The following CTNND2 variants were observed in gnomAD, a reference collection of about 807,000 sequenced individuals.
The protein encoded by CTNND2 is catenin delta-2.
Under a neutral mutation model 144.4 loss-of-function variants are expected in CTNND2, and 22 were observed. That is an observed-to-expected ratio of 0.15 (90% CI 0.11 to 0.22). CTNND2 has a LOEUF of 0.22. Among genes scored for constraint, CTNND2 ranks in the 10% least tolerant of loss-of-function variants. The pLI, the probability that CTNND2 is intolerant of heterozygous loss-of-function variation, is 1.00. For synonymous variants in CTNND2, 751 were observed against 695.6 expected (o/e 1.08, Z -1.25); for missense variants, 1,353 against 1,618.8 (o/e 0.84, Z 2.82).
chr5:11,472,098 C>T (rs1767283824), intron 3 of CTNND2, among the ~76,000 whole-genome samples: 3 of 152,136 alleles, frequency 2.0e-5, no homozygotes, highest in South Asian at 4.1e-4. Context: ...GTGGTGTCAT[C>T]GTGTGAGCCT....
chr5:11,489,429 T>G (rs939588368), intron 3 of CTNND2, among the ~76,000 whole-genome samples: 1 of 152,160 alleles, frequency 6.6e-6, no homozygotes, highest in Non-Finnish European at 1.5e-5. Context: ...TTGTAAGACA[T>G]AAAAATATGG....
At position 11,877,703 on chromosome 5, in the gene CTNND2, T is replaced by C. The variant is rs188891919; in HGVS notation, c.37+26114A>G. Among the ~76,000 whole-genome samples the C allele has an allele frequency of 2.5e-3, 277 of 111,004 alleles. 1 individual carries two copies. Among genetic ancestry groups the C allele is most frequent in the East Asian group, 0.024 (90 of 3,802 alleles). The allele number at this position is 111,004 out of a possible 152,430, so 72.8% of individuals were successfully genotyped here. Reference sequence around the variant, plus strand: ...AATTTCCCACCTTCAATAATGATAGTTGTCGACAGCACCATCACCATCATC... The same window carrying C: ...AATTTCCCACCTTCAATAATGATAGCTGTCGACAGCACCATCACCATCATC... On this transcript the variant is annotated intron_variant, in intron 1 of 21. Coordinates refer to ENST00000304623, the MANE Select transcript of CTNND2 (RefSeq NM_001332.4).
rs541226664 is a variant in CTNND2 at position 11,270,705 on chromosome 5, G to A, written c.1629-33882C>T. The stretch of plus-strand genomic sequence containing the variant: ...TCAGTGTTCAGCATTATACTTCTAG[G>A]CTATGTCTCTTAATACTTCCTTTGG... On this transcript the variant is annotated intron_variant, in intron 9 of 21. Transcript: ENST00000304623. Among the ~76,000 whole-genome samples the A allele has an allele frequency of 2.0e-5, 3 of 152,236 alleles. No individual in the cohort carries two copies. The South Asian group carries it at 6.2e-4, about 32-fold the overall frequency.
chr5:11,005,508 G>A (rs1287096289), intron 18 of CTNND2, among the ~76,000 whole-genome samples: 1 of 152,190 alleles, frequency 6.6e-6, no homozygotes, highest in African/African-American at 2.4e-5. Flanking sequence ...GATGATGGAA[G>A]TAAGGATGGG....
At chr5:11,795,067 G>A (rs1397438045) in intron 1 of CTNND2, among the ~76,000 whole-genome samples, 2 of 152,106 alleles carry the variant, frequency 1.3e-5, no homozygotes, top group Non-Finnish European at 2.9e-5. Flanking sequence ...GTTCTTCAGG[G>A]ACCATAAATA....
At chr5:11,218,334 T>G (rs1739431108) in intron 10 of CTNND2, among the ~76,000 whole-genome samples, 2 of 152,132 alleles carry the variant, frequency 1.3e-5, no homozygotes, top group African/African-American at 4.8e-5. Context: ...GTCATCGGAG[T>G]CATGCTGGTG....
intron 3 of CTNND2, among the ~76,000 whole-genome samples, chr5:11,500,826 G>C (rs900931581): frequency 6.6e-6 from 1 of 152,120 alleles, no homozygotes; most frequent in Non-Finnish European, 1.5e-5. Context: ...AAATAGAATT[G>C]ATTTTTTTGT....
At chr5:11,248,821 G>C (rs976848619) in intron 9 of CTNND2, among the ~76,000 whole-genome samples, 1 of 152,138 alleles carries the variant, frequency 6.6e-6, no homozygotes, top group Non-Finnish European at 1.5e-5. Flanking sequence ...CATACTTTGG[G>C]GCTGACGGTT....
At chr5:11,347,392 A>G (rs1343144593) in intron 8 of CTNND2, among the ~76,000 whole-genome samples, 1 of 152,242 alleles carries the variant, frequency 6.6e-6, no homozygotes, top group Non-Finnish European at 1.5e-5. Flanking sequence ...AATTGTTTTG[A>G]GAAGATTTTA....
rs541991183 is a variant in CTNND2 at position 11,446,171 on chromosome 5, C to T, written c.288-34102G>A. Among the ~76,000 whole-genome samples, 14 of 152,282 alleles carry T rather than the reference C, an allele frequency of 9.2e-5. No individual in the cohort carries two copies. The East Asian group carries it at 2.5e-3, about 27-fold the overall frequency. ...ATTTTTTAGTAGAGATGGGGTTTCA[C>T]CATATTGGTCAGGCTGATCTCAAAC... On this transcript the variant is annotated intron_variant, in intron 3 of 21. Transcript: ENST00000304623.
intron 2 of CTNND2, among the ~76,000 whole-genome samples, chr5:11,623,301 G>A (rs1780946267): frequency 1.3e-5 from 2 of 152,070 alleles, no homozygotes; most frequent in South Asian, 4.1e-4. Flanking sequence ...TTACGAGAGG[G>A]ACTTGGTGGG....
chr5:11,894,660 T>A (rs115635532), intron 1 of CTNND2, among the ~76,000 whole-genome samples: 210 of 152,330 alleles, frequency 1.4e-3, no homozygotes, highest in African/African-American at 4.9e-3. Context: ...CATTTTCACC[T>A]AAATTATCAC....
At chr5:11,897,286 T>C (rs1376368189) in intron 1 of CTNND2, among the ~76,000 whole-genome samples, 1 of 152,228 alleles carries the variant, frequency 6.6e-6, no homozygotes, top group Non-Finnish European at 1.5e-5. Context: ...AAATAAAATA[T>C]GTGACAGAGG....
chr5:11,309,070 T>A (rs1186581662), intron 9 of CTNND2, among the ~76,000 whole-genome samples: 1 of 152,200 alleles, frequency 6.6e-6, no homozygotes, highest in East Asian at 1.9e-4. Flanking sequence ...ACCAGTCCTG[T>A]CTTCCAACAT....
chr5:11,493,651 A>G (rs1407217640), intron 3 of CTNND2, among the ~76,000 whole-genome samples: 1 of 152,234 alleles, frequency 6.6e-6, no homozygotes, highest in Non-Finnish European at 1.5e-5. Context: ...TCAATGCAAG[A>G]CTTTGACAAG....
intron 16 of CTNND2, among the ~76,000 whole-genome samples, chr5:11,070,964 G>C (rs1318129825): frequency 6.6e-6 from 1 of 151,788 alleles, no homozygotes; most frequent in Non-Finnish European, 1.5e-5. Flanking sequence ...GAGTGCGTAG[G>C]GGAGGGGAGG....
rs567070231 is a variant in CTNND2 at position 11,378,844 on chromosome 5, C to T, written c.1177+5821G>A. Among the ~76,000 whole-genome samples the T allele has an allele frequency of 2.0e-5, 3 of 152,170 alleles. No homozygotes were observed. In the South Asian group the frequency reaches 6.2e-4, roughly 32 times the overall value. On this transcript the variant is annotated intron_variant, in intron 7 of 21. Coordinates refer to ENST00000304623, the MANE Select transcript of CTNND2 (RefSeq NM_001332.4). ...AGCCTTAATCAGTCAGGGAATGGGT[C>T]TGAAATCTCTAAACAGTAAAGATTC...
At chr5:11,493,604 G>A (rs1251896382) in intron 3 of CTNND2, among the ~76,000 whole-genome samples, 1 of 152,158 alleles carries the variant, frequency 6.6e-6, no homozygotes, top group East Asian at 1.9e-4. Context: ...ATATATAATT[G>A]TCTAGAAGTC....
chr5:11,497,795 C>T (rs906453715), intron 3 of CTNND2, among the ~76,000 whole-genome samples: 4 of 151,898 alleles, frequency 2.6e-5, no homozygotes, highest in Non-Finnish European at 4.4e-5. Flanking sequence ...TTGTGATGAA[C>T]TGTACTATCA....
Sources: gnomAD v4.1 joint callset for allele counts (sites outside exome capture counted in the v4.1 genomes callset) on GRCh38, gnomAD v4.1.1 for gene constraint, MANE v1.5 for transcripts, NCBI Gene and HGNC (gene_info 2026-07-23, HGNC 2026-07-21) for gene names.